Variants in DOCK8 observed in about 807,000 individuals in gnomAD.
DOCK8 encodes dedicator of cytokinesis protein 8.
Under a neutral mutation model 245.6 loss-of-function variants are expected in DOCK8, and 141 were observed. The ratio of observed to expected loss-of-function variants is 0.57; its 90% CI spans 0.50 to 0.66. DOCK8 has a LOEUF of 0.66. DOCK8 is among the 30% of genes least tolerant of loss of function. DOCK8 has a pLI of 0.00. For missense variants in DOCK8, 2,965 were observed against 2,603.4 expected, an observed-to-expected ratio of 1.14 and a Z score of -3.02; for synonymous variants, 1,168 against 970.2, an observed-to-expected ratio of 1.20 and a Z score of -3.79.
chr9:278,427 C>T (rs912650663), intron 2 of DOCK8, among the ~76,000 whole-genome samples: 10 of 152,232 alleles, frequency 6.6e-5, no homozygotes, highest in Non-Finnish European at 5.9e-5. Context: ...TCAGGAACTG[C>T]TGGCACAGCA....
chr9:256,446 G>A (rs1468124887), intron 1 of DOCK8, among the ~76,000 whole-genome samples: 1 of 152,194 alleles, frequency 6.6e-6, no homozygotes, highest in Non-Finnish European at 1.5e-5. Flanking sequence ...TAAAATGAGG[G>A]TAGTACTTAT....
chr9:242,886 G>A (rs1003491665), intron 1 of DOCK8, among the ~76,000 whole-genome samples: 1 of 151,614 alleles, frequency 6.6e-6, no homozygotes, highest in Non-Finnish European at 1.5e-5. Context: ...TTTCAAGAAA[G>A]TTGGACGCTG....
chr9:367,577 C>T (rs964547234), intron 14 of DOCK8, among the ~76,000 whole-genome samples: 9 of 152,098 alleles, frequency 5.9e-5, no homozygotes, highest in South Asian at 4.1e-4. Flanking sequence ...TAAGCCAATA[C>T]GAGTGCCATG....
chr9:412,070 A>G (rs908939221), intron 28 of DOCK8, among the ~76,000 whole-genome samples: 5 of 152,192 alleles, frequency 3.3e-5, no homozygotes, highest in African/African-American at 1.2e-4. Context: ...TCAACATATT[A>G]GGAGTTCTAT....
At chr9:436,441 C>A (rs1343089576) in intron 39 of DOCK8, among the ~76,000 whole-genome samples, 6 of 152,194 alleles carry the variant, frequency 3.9e-5, no homozygotes, top group Non-Finnish European at 7.4e-5. Context: ...TATAGTACTA[C>A]TCTTTCAATT....
intron 1 of DOCK8, among the ~76,000 whole-genome samples, chr9:250,963 T>C (rs1199709928): frequency 1.3e-5 from 2 of 152,160 alleles, no homozygotes; most frequent in African/African-American, 4.8e-5. Flanking sequence ...GAGAATGAGC[T>C]TGAGGAAGGC....
intron 22 of DOCK8, 64 bp downstream of exon 22, chr9:382,749 A>G: frequency 6.3e-7 from 1 of 1,580,250 alleles, no homozygotes; most frequent in Non-Finnish European, 8.6e-7. Flanking sequence ...TAAAACTTGG[A>G]GAAGTAACAC....
At chr9:393,915 C>T (rs2054318565) in intron 24 of DOCK8, among the ~76,000 whole-genome samples, 1 of 152,160 alleles carries the variant, frequency 6.6e-6, no homozygotes, top group African/African-American at 2.4e-5. Flanking sequence ...TGAGAGCCCC[C>T]AGGGTACAGC....
At chr9:245,428 G>A (rs914628085) in intron 1 of DOCK8, among the ~76,000 whole-genome samples, 3 of 152,024 alleles carry the variant, frequency 2.0e-5, no homozygotes, top group Middle Eastern at 6.8e-3. Flanking sequence ...GGCTGGTCTC[G>A]AACTCCTGAC....
At chr9:279,506 A>C (rs1591578) in intron 2 of DOCK8, among the ~76,000 whole-genome samples, 8,307 of 152,274 alleles carry the variant, frequency 0.055, 556 homozygotes, top group African/African-American at 0.15. Flanking sequence ...TATCTGTAAA[A>C]TAGAGGAACG....
chr9:275,403 A>C (rs1488298120), intron 2 of DOCK8, among the ~76,000 whole-genome samples: 1 of 152,168 alleles, frequency 6.6e-6, no homozygotes, highest in African/African-American at 2.4e-5. Flanking sequence ...GGCTTGATTG[A>C]GAAGGCTGAG....
Position 312,642 on chromosome 9 carries a change from C to T in DOCK8, c.741+476C>T, listed in dbSNP as rs1415183077. Reference sequence around the variant, plus strand: ...TGAAAACATTTCAGGCTAGGATAATCACAGCCCATGCTCCCAATGTATAGA... The same window carrying T: ...TGAAAACATTTCAGGCTAGGATAATTACAGCCCATGCTCCCAATGTATAGA... On this transcript the variant is annotated intron_variant, in intron 6 of 47. Coordinates refer to ENST00000432829, the MANE Select transcript of DOCK8 (RefSeq NM_203447.4). The T allele has an allele frequency of 1.1e-5, 4 of 358,154 alleles. No individual in the cohort carries two copies. In the Admixed American group the frequency reaches 1.2e-4, roughly 10 times the overall value. The allele number at this position is 358,154 out of a possible 1,614,324, so 22.2% of individuals were successfully genotyped here.
rs550249596 is a variant in DOCK8 at position 290,945 on chromosome 9, A to G, written c.404+1364A>G. Among the ~76,000 whole-genome samples, 58 of 152,358 alleles carry G rather than the reference A, an allele frequency of 3.8e-4. No individual in the cohort carries two copies. In the South Asian group the frequency reaches 0.012, roughly 32 times the overall value. ...TTTCAGCAGCAGAAAAAGAGAAAGCATTCATTATTAAAAGTTATTAAGAGA... is the reference window on the plus strand; with the variant it reads ...TTTCAGCAGCAGAAAAAGAGAAAGCGTTCATTATTAAAAGTTATTAAGAGA... On this transcript the variant is annotated intron_variant, in intron 4 of 47. Coordinates refer to ENST00000432829, the MANE Select transcript of DOCK8 (RefSeq NM_203447.4).
intron 43 of DOCK8, among the ~76,000 whole-genome samples, chr9:445,711 C>G (rs952045145): frequency 5.4e-5 from 8 of 148,684 alleles, no homozygotes; most frequent in Non-Finnish European, 8.9e-5. Flanking sequence ...GTTAATTCCC[C>G]ACTGGAGTGA....
chr9:256,515 G>A (rs897174314), intron 1 of DOCK8, among the ~76,000 whole-genome samples: 6 of 152,130 alleles, frequency 3.9e-5, no homozygotes, highest in Non-Finnish European at 5.9e-5. Flanking sequence ...ATGATTCCTG[G>A]AACCCATAAA....
intron 4 of DOCK8, among the ~76,000 whole-genome samples, chr9:294,030 A>G (rs570384124): frequency 6.6e-6 from 1 of 152,268 alleles, no homozygotes; most frequent in East Asian, 1.9e-4. Context: ...CACAAAAAAT[A>G]TTTGTCTATT....
intron 1 of DOCK8, among the ~76,000 whole-genome samples, chr9:253,557 T>G (rs1252769867): frequency 6.6e-6 from 1 of 152,202 alleles, no homozygotes; most frequent in Non-Finnish European, 1.5e-5. Flanking sequence ...GAAGTAAGGC[T>G]CTGGAACAGG....
intron 26 of DOCK8, among the ~76,000 whole-genome samples, chr9:400,933 A>ACCACCACCTCC (rs2055007006): frequency 7.9e-5 from 1 of 12,706 alleles, no homozygotes; most frequent in Admixed American, 8.4e-4. Context: ...TCACCACAAC[A>ACCACCACCTCC]TCCACCACCA....
At position 441,400 on chromosome 9, in the gene DOCK8, G is replaced by T. The variant is rs2057090137; in HGVS notation, c.5338G>T (p.Asp1780Tyr). 6.2e-7 allele frequency: 1 copy of T among 1,614,158 alleles called. No individual in the cohort carries two copies. The highest frequency in any genetic ancestry group is 1.1e-5 in the South Asian group (1 of 91,072). Residue 1780 changes from aspartate to tyrosine, a missense_variant, in exon 41 of 48, where the codon GAC becomes TAC. Physicochemically the swap from Asp to Tyr is radical, Grantham distance 160. Transcript: ENST00000432829. Reference sequence around the variant, plus strand: ...TCACAGCAAGCTGCAGAGAGCCTTCGACAGCATCGTTAACAAGGTAGCCGG... The same window carrying T: ...TCACAGCAAGCTGCAGAGAGCCTTCTACAGCATCGTTAACAAGGTAGCCGG... Reference protein sequence around the residue: ...LTHSKLQRAFDSIVNKDHKRM... With the variant: ...LTHSKLQRAFYSIVNKDHKRM...
Sources: gnomAD v4.1 joint callset for allele counts (sites outside exome capture counted in the v4.1 genomes callset) on GRCh38, gnomAD v4.1.1 for gene constraint, MANE v1.5 for transcripts, NCBI Gene and HGNC (gene_info 2026-07-23, HGNC 2026-07-21) for gene names.